The following NMNAT2 variants were observed in gnomAD, a reference collection of about 807,000 sequenced individuals.
NMNAT2 encodes the protein nicotinamide/nicotinic acid mononucleotide adenylyltransferase 2.
NMNAT2 carries 11 observed loss-of-function variants against 41.6 expected under a neutral mutation model. The ratio of observed to expected loss-of-function variants is 0.26; its 90% CI spans 0.17 to 0.44. NMNAT2 has a LOEUF of 0.44. NMNAT2 is among the 20% of genes least tolerant of loss of function. The probability of loss-of-function intolerance (pLI) is 1.00; values close to 1 mark genes in which losing one functional copy is unlikely to be tolerated. For missense variants in NMNAT2, 288 were observed against 407.7 expected (o/e 0.71, Z 2.53); for synonymous variants, 148 against 151.2 (o/e 0.98, Z 0.16).
At chr1:183,311,458 T>C (rs943901122) in intron 1 of NMNAT2, among the ~76,000 whole-genome samples, 1 of 152,130 alleles carries the variant, frequency 6.6e-6, no homozygotes, top group African/African-American at 2.4e-5. Context: ...GTAAAGCTAA[T>C]TGCACTGGTG....
chr1:183,408,916 G>A (rs12119966), intron 1 of NMNAT2, among the ~76,000 whole-genome samples: 23,981 of 152,016 alleles, frequency 0.16, 2,115 homozygotes, highest in South Asian at 0.25. Flanking sequence ...GATGTGATGA[G>A]CTATGCACTG....
At chr1:183,279,477 G>A (rs538920960) in intron 7 of NMNAT2, among the ~76,000 whole-genome samples, 1 of 152,300 alleles carries the variant, frequency 6.6e-6, no homozygotes, top group South Asian at 2.1e-4. Context: ...TGGGCATCTT[G>A]TCTGAAACAG....
intron 1 of NMNAT2, among the ~76,000 whole-genome samples, chr1:183,312,354 C>T (rs914997903): frequency 4.0e-5 from 6 of 151,394 alleles, no homozygotes; most frequent in African/African-American, 1.5e-4. Flanking sequence ...CCTCAGCCTC[C>T]CAAGTAGGTG....
chr1:183,399,681 A>G (rs1292271824), intron 1 of NMNAT2, among the ~76,000 whole-genome samples: 4 of 152,256 alleles, frequency 2.6e-5, no homozygotes, highest in African/African-American at 9.6e-5. Context: ...CTGACAAACC[A>G]AATCCAGCAG....
At chr1:183,384,381 G>A (rs1329962037) in intron 1 of NMNAT2, among the ~76,000 whole-genome samples, 1 of 152,050 alleles carries the variant, frequency 6.6e-6, no homozygotes, top group Non-Finnish European at 1.5e-5. Flanking sequence ...TGTATTTTTA[G>A]TAGAGACAGG....
intron 1 of NMNAT2, among the ~76,000 whole-genome samples, chr1:183,303,161 C>A (rs1265433636): frequency 2.0e-5 from 3 of 152,162 alleles, no homozygotes; most frequent in African/African-American, 4.8e-5. Flanking sequence ...GCAATGATAT[C>A]ATTTTCATCC....
chr1:183,300,868 T>C (rs1661831916), intron 1 of NMNAT2, among the ~76,000 whole-genome samples: 1 of 152,182 alleles, frequency 6.6e-6, no homozygotes, highest in Non-Finnish European at 1.5e-5. Flanking sequence ...TGTTACATTG[T>C]GGGTTGTGTT....
intron 8 of NMNAT2, among the ~76,000 whole-genome samples, chr1:183,264,621 G>T (rs530788030): frequency 2.0e-5 from 3 of 152,162 alleles, no homozygotes; most frequent in Non-Finnish European, 2.9e-5. Context: ...CCCAAAGCAC[G>T]CCTTGCTCAA....
In NMNAT2 at chr1:183,367,653, A is replaced by C. The variant is rs561033948; in HGVS notation, c.85+50530T>G. Among the ~76,000 whole-genome samples the C allele has an allele frequency of 3.3e-5, 5 of 152,342 alleles. No homozygotes were observed. In the South Asian group the frequency reaches 1.0e-3, roughly 32 times the overall value. ...GTAGTCGAGGGCAACAGATTTCAAC[A>C]CATTGTTGACCACATAACTGTTTCA... On this transcript the variant is annotated intron_variant, in intron 1 of 10. Transcript: ENST00000287713.
At chr1:183,351,664 AGTG>A (rs2102352369) in intron 1 of NMNAT2, among the ~76,000 whole-genome samples, 1 of 152,268 alleles carries the variant, frequency 6.6e-6, no homozygotes, top group African/African-American at 2.4e-5. Context: ...CCTCTAGAAA[AGTG>A]GTGATTTCCA....
At chr1:183,280,948 G>A (rs1262170057) in intron 7 of NMNAT2, among the ~76,000 whole-genome samples, 1 of 151,510 alleles carries the variant, frequency 6.6e-6, no homozygotes, top group East Asian at 1.9e-4. Flanking sequence ...ACCACACCCG[G>A]CTAATTTTGT....
chr1:183,346,808 A>G (rs1662939712), intron 1 of NMNAT2, among the ~76,000 whole-genome samples: 1 of 152,178 alleles, frequency 6.6e-6, no homozygotes, highest in Non-Finnish European at 1.5e-5. Context: ...AATAAATGCC[A>G]ATTGAGATCT....
intron 1 of NMNAT2, among the ~76,000 whole-genome samples, chr1:183,394,035 G>T (rs1199620895): frequency 1.3e-5 from 2 of 152,200 alleles, no homozygotes; most frequent in African/African-American, 4.8e-5. Flanking sequence ...AAATAAGTCA[G>T]AGGATGATAG....
chr1:183,313,790 G>T (rs1012523045), intron 1 of NMNAT2, among the ~76,000 whole-genome samples: 7 of 152,174 alleles, frequency 4.6e-5, no homozygotes, highest in African/African-American at 9.7e-5. Flanking sequence ...CCAGCCAATG[G>T]GAAATATACC....
chr1:183,273,443 T>C (rs1661036142), intron 8 of NMNAT2, among the ~76,000 whole-genome samples: 1 of 152,218 alleles, frequency 6.6e-6, no homozygotes, highest in Non-Finnish European at 1.5e-5. Flanking sequence ...GGCAAACGAA[T>C]GAAACCTGAA....
chr1:183,364,861 T>G (rs1663383803), intron 1 of NMNAT2, among the ~76,000 whole-genome samples: 1 of 151,916 alleles, frequency 6.6e-6, no homozygotes, highest in Non-Finnish European at 1.5e-5. Flanking sequence ...CCGGCTAATT[T>G]TTTGTGTTTT....
At chr1:183,297,966 C>CAAT (rs1661747659) in intron 1 of NMNAT2, among the ~76,000 whole-genome samples, 1 of 152,124 alleles carries the variant, frequency 6.6e-6, no homozygotes. Flanking sequence ...ATGATCCTAT[C>CAAT]AATTGATGCA....
intron 8 of NMNAT2, 27 bp downstream of exon 8, chr1:183,278,526 G>A: frequency 6.5e-7 from 1 of 1,546,110 alleles, no homozygotes; most frequent in Non-Finnish European, 8.9e-7. Context: ...TCCCAGCTGG[G>A]TGCCAGGCAA....
At chr1:183,279,052 A>G (rs762630711) in intron 7 of NMNAT2, among the ~76,000 whole-genome samples, 1 of 152,182 alleles carries the variant, frequency 6.6e-6, no homozygotes, top group Non-Finnish European at 1.5e-5. Context: ...ATTCTCTGCT[A>G]CTGTGCATTG....
Sources: gnomAD v4.1 joint callset for allele counts (sites outside exome capture counted in the v4.1 genomes callset) on GRCh38, gnomAD v4.1.1 for gene constraint, MANE v1.5 for transcripts, NCBI Gene and HGNC (gene_info 2026-07-23, HGNC 2026-07-21) for gene names.